EPSTI1: variants seen among roughly 807,000 people sequenced by gnomAD.
EPSTI1 encodes the protein epithelial-stromal interaction protein 1.
A neutral mutation model predicts 49.9 loss-of-function variants in EPSTI1; 66 were observed. The observed-to-expected ratio is 1.32, with a 90% CI of 1.08 to 1.62. The LOEUF (loss-of-function observed/expected upper bound fraction) is 1.62. Among genes scored for constraint, EPSTI1 ranks in the 40% most tolerant of loss-of-function variants. The pLI is 0.00. For synonymous variants in EPSTI1, 137 were observed against 130.7 expected (o/e 1.05, Z -0.33); for missense variants, 394 against 365.5 (o/e 1.08, Z -0.64).
At chr13:42,972,213 C>A (rs1391627427) in intron 1 of EPSTI1, among the ~76,000 whole-genome samples, 1 of 152,158 alleles carries the variant, frequency 6.6e-6, no homozygotes, top group Non-Finnish European at 1.5e-5. Context: ...TCTCTCTATA[C>A]CACAAATTTG....
chr13:42,892,684 A>T (rs1302103843), intron 10 of EPSTI1, among the ~76,000 whole-genome samples: 1 of 152,176 alleles, frequency 6.6e-6, no homozygotes, highest in Non-Finnish European at 1.5e-5. Context: ...TCTGGGCTGG[A>T]AATAGAAACT....
intron 7 of EPSTI1, among the ~76,000 whole-genome samples, chr13:42,919,876 C>G (rs2037944088): frequency 6.6e-6 from 1 of 152,284 alleles, no homozygotes; most frequent in African/African-American, 2.4e-5. Context: ...GCTTAAAGAA[C>G]AGAAATTTAC....
At position 42,922,488 on chromosome 13, in the gene EPSTI1, G is replaced by A. The variant is rs186009759; in HGVS notation, c.657+3848C>T. ...GTGTGCCAAGGGTTTGCGGGGACAG[G>A]GGACAGATGCCCCCCGGAAGCTTCA... On this transcript the variant is annotated intron_variant, in intron 7 of 10. Coordinates refer to ENST00000313624, the MANE Select transcript of EPSTI1 (RefSeq NM_033255.5). This position sits in a 1 kb window ranked among gnomAD's most constrained non-coding sequence, Gnocchi z 4.8. Among the ~76,000 whole-genome samples, 7 of 152,124 alleles carry A rather than the reference G, an allele frequency of 4.6e-5. No homozygotes were observed. The highest frequency in any genetic ancestry group is 8.8e-5 in the Non-Finnish European group (6 of 68,034).
At chr13:42,963,516 T>TG (rs2039519815) in intron 4 of EPSTI1, 178 bp from the exon 5 acceptor site, 1 of 588,396 alleles carries the variant, frequency 1.7e-6, no homozygotes, top group Admixed American at 3.3e-5. Flanking sequence ...CTACGTCTTC[T>TG]GCCCGTGAAA....
chr13:42,969,219 T>G, intron 2 of EPSTI1, 42 bp from the exon 3 acceptor site: 1 of 1,592,560 alleles, frequency 6.3e-7, no homozygotes, highest in South Asian at 1.1e-5. Context: ...TTATTAGACT[T>G]CTAAAAGAAA....
At chr13:42,902,017 G>A (rs2037374915) in intron 8 of EPSTI1, among the ~76,000 whole-genome samples, 1 of 150,758 alleles carries the variant, frequency 6.6e-6, no homozygotes, top group Non-Finnish European at 1.5e-5. Flanking sequence ...AATATGCGGT[G>A]TTTGGTTTTT....
intron 1 of EPSTI1, among the ~76,000 whole-genome samples, chr13:42,975,720 T>G (rs117042019): frequency 2.1e-3 from 327 of 152,298 alleles, no homozygotes; most frequent in Admixed American, 5.8e-3. Context: ...GCTGGGCAAG[T>G]GTGTGTAGTC....
chr13:42,981,082 CT>C (rs1173840050), intron 1 of EPSTI1, among the ~76,000 whole-genome samples: 2 of 151,920 alleles, frequency 1.3e-5, no homozygotes, highest in African/African-American at 2.4e-5. Flanking sequence ...TTCTACAGGA[CT>C]TTAATGGATT....
rs569975428 is a variant in EPSTI1, at chr13:42,992,099, C to A, written c.67G>T (p.Asp23Tyr). The change falls in exon 1 of 11, where the codon GAT becomes TAT. Residue 23 changes from aspartate to tyrosine, a missense_variant. Physicochemically the swap from Asp to Tyr is radical, Grantham distance 160. Coordinates refer to ENST00000313624, the MANE Select transcript of EPSTI1 (RefSeq NM_033255.5). ...GASPASRPTRDPQDPSGRQGE... is the reference protein window; with the variant it reads ...GASPASRPTRYPQDPSGRQGE... The stretch of plus-strand genomic sequence containing the variant: ...TGCCGCCCAGAAGGGTCCTGGGGAT[C>A]CCGGGTCGGGCGGGAGGCAGGGGAG... The A allele has an allele frequency of 5.6e-5, 90 of 1,611,812 alleles. No individual in the cohort carries two copies. The Admixed American group carries it at 1.5e-3, about 27-fold the overall frequency.
chr13:42,931,191 C>CTTTTTTTTTTT (rs57488808), intron 6 of EPSTI1, among the ~76,000 whole-genome samples: 1 of 77,628 alleles, frequency 1.3e-5, no homozygotes, highest in African/African-American at 4.9e-5. Flanking sequence ...TTGCCTACAG[C>CTTTTTTTTTTT]TTTTTTTTTT....
At chr13:42,970,334 A>G (rs1045461708) in intron 2 of EPSTI1, 1 of 308,476 alleles carries the variant, frequency 3.2e-6, no homozygotes, top group Non-Finnish European at 5.9e-6. Flanking sequence ...CCTACCCTCA[A>G]GGAGGTTTAT....
chr13:42,933,811 A>C (rs1324564533), intron 6 of EPSTI1: 2 of 152,334 alleles, frequency 1.3e-5, no homozygotes, highest in Admixed American at 1.3e-4. Flanking sequence ...GAGGAACACC[A>C]GAGCTGCTGG....
chr13:42,965,271 T>C (rs2039572870), intron 3 of EPSTI1, among the ~76,000 whole-genome samples: 1 of 152,216 alleles, frequency 6.6e-6, no homozygotes, highest in Non-Finnish European at 1.5e-5. Flanking sequence ...ACAAGTTTTG[T>C]TCAAAACTCA....
chr13:42,960,080 C>T (rs1249086210), intron 5 of EPSTI1, among the ~76,000 whole-genome samples: 1 of 152,024 alleles, frequency 6.6e-6, no homozygotes, highest in Non-Finnish European at 1.5e-5. Context: ...ATTTTGGTAT[C>T]CATTGTGTTG....
intron 8 of EPSTI1, among the ~76,000 whole-genome samples, chr13:42,912,721 T>C (rs1486017013): frequency 6.6e-6 from 1 of 151,900 alleles, no homozygotes; most frequent in African/African-American, 2.4e-5. Flanking sequence ...GCAATCTTGG[T>C]AAATAAACAT....
intron 10 of EPSTI1, among the ~76,000 whole-genome samples, chr13:42,889,949 G>A (rs192122090): frequency 4.6e-5 from 7 of 151,642 alleles, no homozygotes; most frequent in African/African-American, 1.7e-4. Context: ...GAATTATGTC[G>A]GGACCTAATT....
intron 1 of EPSTI1, among the ~76,000 whole-genome samples, chr13:42,979,275 A>T (rs1282668311): frequency 6.6e-6 from 1 of 152,202 alleles, no homozygotes; most frequent in Non-Finnish European, 1.5e-5. Flanking sequence ...ATTTCCCCCA[A>T]TGTTTTAAGA....
Position 42,922,819 on chromosome 13 carries a change from G to A in EPSTI1, c.657+3517C>T, listed in dbSNP as rs1432872970. Among the ~76,000 whole-genome samples, 1 of 152,208 alleles carries A rather than the reference G, an allele frequency of 6.6e-6. No homozygotes were observed. Among genetic ancestry groups the A allele is most frequent in the Non-Finnish European group, 1.5e-5 (1 of 68,048 alleles). Reference sequence around the variant, plus strand: ...AGTAGTGTGAGAGAGGAGAGCTGGAGAGGCATGAGCTATAGAGCTTGGCCC... The same window carrying A: ...AGTAGTGTGAGAGAGGAGAGCTGGAAAGGCATGAGCTATAGAGCTTGGCCC... On this transcript the variant is annotated intron_variant, in intron 7 of 10. Transcript: ENST00000313624. This position sits in a 1 kb window ranked among gnomAD's most constrained non-coding sequence, Gnocchi z 4.8.
Position 42,888,307 on chromosome 13 carries a change from C to T in EPSTI1, c.*187G>A. The T allele has an allele frequency of 6.3e-7, 1 of 1,597,390 alleles. No homozygotes were observed. Among genetic ancestry groups the T allele is most frequent in the Non-Finnish European group, 8.5e-7 (1 of 1,170,156 alleles). On this transcript the variant is annotated 3_prime_UTR_variant, in exon 11 of 11. Transcript: ENST00000313624. ...AGAGATTAAATATGAGTTCAGGAAT[C>T]AGCTCCTCCAAACATGCATAAATGA...
Sources: gnomAD v4.1 joint callset for allele counts (sites outside exome capture counted in the v4.1 genomes callset) on GRCh38, gnomAD v4.1.1 for gene constraint, Gnocchi (gnomAD v3.1) non-coding constraint, MANE v1.5 for transcripts, NCBI Gene and HGNC (gene_info 2026-07-23, HGNC 2026-07-21) for gene names.